AARS1: variants seen among roughly 807,000 people sequenced by gnomAD.
The protein encoded by AARS1 is alanine--tRNA ligase, cytoplasmic.
A neutral mutation model predicts 108.9 loss-of-function variants in AARS1; 72 were observed. The observed-to-expected ratio is 0.66, with a 90% CI of 0.55 to 0.80. The LOEUF (loss-of-function observed/expected upper bound fraction) is 0.80, where lower values mean the gene tolerates loss of function less well. Ranked by LOEUF, AARS1 falls within the 30% of genes least tolerant of loss-of-function variation. The pLI is 0.00. For missense variants in AARS1, 1,193 were observed against 1,233.2 expected, an observed-to-expected ratio of 0.97 and a Z score of 0.49; for synonymous variants, 489 against 465.7, an observed-to-expected ratio of 1.05 and a Z score of -0.64.
chr16:70,255,507 T>C (rs1245155122), intron 16 of AARS1, among the ~76,000 whole-genome samples: 1 of 151,940 alleles, frequency 6.6e-6, no homozygotes, highest in African/African-American at 2.4e-5. Context: ...CTGATTCACA[T>C]ATATTTTAAA....
At chr16:70,255,880 A>G (rs1202797345) in intron 15 of AARS1, 44 bp from the exon 16 acceptor site, 8 of 1,573,004 alleles carry the variant, frequency 5.1e-6, no homozygotes, top group African/African-American at 1.4e-5. Context: ...AGGCCCTGGC[A>G]GCCCTTGGCT....
chr16:70,288,565 CTTTTTTTT>C (rs35168298), intron 1 of AARS1, among the ~76,000 whole-genome samples: 4 of 102,956 alleles, frequency 3.9e-5, no homozygotes, highest in Middle Eastern at 5.6e-3. Flanking sequence ...GTTCTGGGCT[CTTTTTTTT>C]TTTTTTTTTT....
At chr16:70,276,859 C>T in intron 3 of AARS1, 107 bp downstream of exon 3, 2 of 1,348,000 alleles carry the variant, frequency 1.5e-6, no homozygotes, top group Non-Finnish European at 2.1e-6. Context: ...CCTGAATCAC[C>T]TAGATGATAT....
At chr16:70,277,247 G>T (rs1960573130) in intron 2 of AARS1, 93 bp from the exon 3 acceptor site, 1 of 1,292,448 alleles carries the variant, frequency 7.7e-7, no homozygotes. Flanking sequence ...CACACTAACT[G>T]TGCAGTTCAT....
Position 70,253,931 on chromosome 16 carries a change from A to G in AARS1, c.2508T>C (p.Asp836=), listed in dbSNP as rs745577157. The G allele has an allele frequency of 6.8e-6, 11 of 1,614,226 alleles. No individual in the cohort carries two copies. The South Asian group carries it at 7.7e-5, about 11-fold the overall frequency. The change falls in exon 18 of 21, where the codon GAT becomes GAC. Residue 836 remains aspartate, a synonymous_variant. Transcript: ENST00000261772. The part of the protein sequence containing the change: ...MDDLDRASKA[D]VQKRVLEKTK... ...TGCCAGGACTCACTCGTTTCTGGACATCGGCTTTGCTGGCTCGGTCCAAGT... is the reference window on the plus strand; with the variant it reads ...TGCCAGGACTCACTCGTTTCTGGACGTCGGCTTTGCTGGCTCGGTCCAAGT...
At chr16:70,283,655 GC>G (rs1960765475) in intron 1 of AARS1, among the ~76,000 whole-genome samples, 2 of 152,286 alleles carry the variant, frequency 1.3e-5, no homozygotes, top group African/African-American at 4.8e-5. Flanking sequence ...TCTAGGTTTG[GC>G]CTGATGTCAT....
Position 70,258,033 on chromosome 16 carries a change from G to A in AARS1, c.2177C>T (p.Thr726Met), listed in dbSNP as rs1480620711. Residue 726 changes from threonine to methionine, a missense_variant and splice_region_variant, in exon 15 of 21, where the codon ACG becomes ATG. Thr to Met is a moderately conservative substitution (Grantham distance 81, BLOSUM62 -1). Transcript: ENST00000261772. ...SLTSVEFCGG[T>M]HLRNSSHAGA... ...TACTCTGCCCCTCTGCAGTACTCACGTTCCCCCACAGAACTCAACAGAAGT... is the reference window on the plus strand; with the variant it reads ...TACTCTGCCCCTCTGCAGTACTCACATTCCCCCACAGAACTCAACAGAAGT... 2.5e-6 allele frequency: 4 copies of A among 1,614,060 alleles called. No homozygotes were observed. The highest frequency in any genetic ancestry group is 2.2e-5 in the East Asian group (1 of 44,878).
intron 17 of AARS1, 33 bp downstream of exon 17, chr16:70,254,588 C>A (rs568902862): frequency 9.8e-6 from 14 of 1,423,634 alleles, no homozygotes; most frequent in Admixed American, 1.7e-5. Flanking sequence ...ATGCACCAGG[C>A]CCTGAGGACG....
Position 70,269,655 on chromosome 16 carries a change from G to A in AARS1, c.925C>T (p.Leu309=). 1.9e-6 allele frequency: 3 copies of A among 1,614,184 alleles called. No homozygotes were observed. In the South Asian group the frequency reaches 3.3e-5, roughly 18 times the overall value. ...ADHARTITVA[L]ADGGRPDNTG... ...TTGTCAGGCCGGCCACCATCAGCCA[G>A]TGCCACAGTGATGGTCCGAGCGTGG... Residue 309 remains leucine, a synonymous_variant, in exon 7 of 21, where the codon CTG becomes TTG. Transcript: ENST00000261772.
rs755027471 is a variant in AARS1 at position 70,261,103 on chromosome 16, T to C, written c.1726A>G (p.Ile576Val). 2 of 1,613,940 alleles carry C rather than the reference T, an allele frequency of 1.2e-6. No individual in the cohort carries two copies. Among genetic ancestry groups the C allele is most frequent in the African/African-American group, 1.3e-5 (1 of 75,018 alleles). ...TTCAGGTCACCGTAGATGGTTCCAATGTGTAGCACATACCCTCCTCGGACC... is the reference window on the plus strand; with the variant it reads ...TTCAGGTCACCGTAGATGGTTCCAACGTGTAGCACATACCCTCCTCGGACC... The part of the protein sequence containing the change: ...AQVRGGYVLH[I>V]GTIYGDLKVG... Residue 576 changes from isoleucine (I) to valine (V), a missense_variant, in exon 13 of 21, where the codon ATT (isoleucine) becomes GTT (valine). By Grantham distance (29) the Ile-to-Val change is conservative. Transcript: ENST00000261772.
intron 13 of AARS1, among the ~76,000 whole-genome samples, chr16:70,260,801 T>C (rs1960113846): frequency 6.6e-6 from 1 of 152,126 alleles, no homozygotes; most frequent in Non-Finnish European, 1.5e-5. Context: ...TAGCTGGGAC[T>C]ATAGGCGCCT....
chr16:70,276,317 C>G, intron 4 of AARS1, 169 bp downstream of exon 4: 1 of 710,752 alleles, frequency 1.4e-6, no homozygotes, highest in East Asian at 2.8e-5. Context: ...TCACTGCAAC[C>G]TCCACCTCCT....
intron 1 of AARS1, 33 bp from the exon 2 acceptor site, chr16:70,282,817 A>C: frequency 6.2e-7 from 1 of 1,603,618 alleles, no homozygotes. Flanking sequence ...AGGAAAATTA[A>C]GGGAATTGAA....
At chr16:70,276,831 TAATA>T in intron 3 of AARS1, 131 bp downstream of exon 3, 2 of 1,207,474 alleles carry the variant, frequency 1.7e-6, no homozygotes, top group African/African-American at 1.5e-5. Context: ...GTCTTAGAAT[TAATA>T]AATGCCATTC....
intron 4 of AARS1, among the ~76,000 whole-genome samples, chr16:70,275,749 C>G (rs1027322720): frequency 6.6e-6 from 1 of 150,644 alleles, no homozygotes; most frequent in Non-Finnish European, 1.5e-5. Context: ...GGTGACAGAG[C>G]GAGACTCCAA....
chr16:70,264,351 T>C (rs1294035004), intron 11 of AARS1, among the ~76,000 whole-genome samples: 3 of 151,758 alleles, frequency 2.0e-5, no homozygotes, highest in African/African-American at 7.3e-5. Flanking sequence ...AATTTCACTC[T>C]TGTTGTCCAG....
intron 11 of AARS1, among the ~76,000 whole-genome samples, chr16:70,262,866 G>A (rs908700244): frequency 2.7e-5 from 4 of 148,818 alleles, no homozygotes; most frequent in African/African-American, 9.9e-5. Flanking sequence ...TACTCAGGAG[G>A]CTGAGGCAGA....
Position 70,259,189 on chromosome 16 carries a change from G to A in AARS1, c.1786-3C>T, listed in dbSNP as rs781224347. On this transcript the variant is annotated splice_polypyrimidine_tract_variant and splice_region_variant and intron_variant, in intron 13 of 20. Transcript: ENST00000261772. Reference sequence around the variant, plus strand: ...CTCATGATGGGTCTTCGTCGGGGCTGGAAAGGGCAGAGGGGCTCATGGAGA... The same window carrying A: ...CTCATGATGGGTCTTCGTCGGGGCTAGAAAGGGCAGAGGGGCTCATGGAGA... 1.4e-5 allele frequency: 22 copies of A among 1,613,752 alleles called. No homozygotes were observed. The highest frequency in any genetic ancestry group is 1.8e-5 in the Non-Finnish European group (21 of 1,179,890).
intron 15 of AARS1, among the ~76,000 whole-genome samples, chr16:70,256,474 A>G (rs1959994703): frequency 6.6e-6 from 1 of 151,956 alleles, no homozygotes; most frequent in Non-Finnish European, 1.5e-5. Context: ...TAATTTTTGT[A>G]TTTTTAGTAC....
Sources: allele counts gnomAD v4.1 joint callset (sites outside exome capture counted in the v4.1 genomes callset), GRCh38; gene constraint gnomAD v4.1.1; transcripts MANE v1.5; gene names NCBI Gene and HGNC (gene_info 2026-07-23, HGNC 2026-07-21).